The following TSPEAR variants were observed in gnomAD, a reference collection of about 807,000 sequenced individuals.
The protein encoded by TSPEAR is thrombospondin type laminin G domain and EAR repeats, also known as thrombospondin-type laminin G domain and EAR repeat-containing protein.
A neutral mutation model predicts 71.6 loss-of-function variants in TSPEAR; 69 were observed. The ratio of observed to expected loss-of-function variants is 0.96; its 90% CI spans 0.79 to 1.18. TSPEAR has a LOEUF of 1.18. TSPEAR is among the 50% of genes most tolerant of loss of function. TSPEAR has a pLI of 0.00. For synonymous variants in TSPEAR, 402 were observed against 387.2 expected, an observed-to-expected ratio of 1.04 and a Z score of -0.45; for missense variants, 971 against 894.9, an observed-to-expected ratio of 1.09 and a Z score of -1.09.
intron 1 of TSPEAR, among the ~76,000 whole-genome samples, chr21:44,569,635 T>C (rs1049119745): frequency 2.0e-5 from 3 of 152,166 alleles, no homozygotes; most frequent in Non-Finnish European, 4.4e-5. Context: ...GAGAATGTAT[T>C]ATTATTGTTA....
At chr21:44,654,469 A>G in intron 1 of TSPEAR, 1 of 1,613,926 alleles carries the variant, frequency 6.2e-7, no homozygotes, top group Non-Finnish European at 8.5e-7. Flanking sequence ...TACCCCACAC[A>G]GGGGCCGGCA....
rs142705847 is a variant in TSPEAR at position 44,647,250 on chromosome 21, G to A, written c.82+64183C>T. On this transcript the variant is annotated intron_variant, in intron 1 of 11. Transcript: ENST00000323084. ...GCTGTGCCCCCACCTCCTCCTGCCAGTCCAGCTGCTGCCGCCCGGCCTCCT... is the reference window on the plus strand; with the variant it reads ...GCTGTGCCCCCACCTCCTCCTGCCAATCCAGCTGCTGCCGCCCGGCCTCCT... The A allele has an allele frequency of 2.8e-3, 4,434 of 1,602,046 alleles. 87 individuals are homozygous for A. In the African/African-American group the frequency reaches 0.052, roughly 19 times the overall value.
rs377055136 is a variant in TSPEAR at position 44,539,474 on chromosome 21, C to T, written c.304-5551G>A. 7.4e-6 allele frequency: 12 copies of T among 1,613,638 alleles called. No individual in the cohort carries two copies. The African/African-American group carries it at 1.6e-4, about 22-fold the overall frequency. On this transcript the variant is annotated intron_variant, in intron 2 of 11. Coordinates refer to ENST00000323084, the MANE Select transcript of TSPEAR (RefSeq NM_144991.3). The stretch of plus-strand genomic sequence containing the variant: ...GAGGGACACGGAGGAGGAGGGTCTG[C>T]AGCAGGAGGTGGTGCAGCAAGCCGG...
At chr21:44,536,245 G>A (rs1010018759) in intron 2 of TSPEAR, among the ~76,000 whole-genome samples, 2 of 152,208 alleles carry the variant, frequency 1.3e-5, no homozygotes, top group Admixed American at 1.3e-4. Flanking sequence ...TCCTGCCAGT[G>A]CTCCCTCGGC....
At chr21:44,545,072 C>G (rs2053279758) in intron 2 of TSPEAR, among the ~76,000 whole-genome samples, 1 of 151,456 alleles carries the variant, frequency 6.6e-6, no homozygotes, top group African/African-American at 2.4e-5. Context: ...GTAATCCCAG[C>G]ATTTTGGGAG....
At chr21:44,690,602 G>C (rs1377397053) in intron 1 of TSPEAR, 2 of 985,284 alleles carry the variant, frequency 2.0e-6, no homozygotes, top group South Asian at 4.7e-5. Context: ...TCAAAGATGA[G>C]CATGCTGTAA....
At chr21:44,547,174 A>G (rs954049863) in intron 2 of TSPEAR, among the ~76,000 whole-genome samples, 1 of 152,108 alleles carries the variant, frequency 6.6e-6, no homozygotes, top group Non-Finnish European at 1.5e-5. Context: ...AAACCCTATC[A>G]TGAATTATTT....
Position 44,527,407 on chromosome 21 carries a change from G to C in TSPEAR, c.1034C>G (p.Ala345Gly). Residue 345 changes from alanine to glycine, a missense_variant, in exon 7 of 12, where the codon GCC becomes GGC. Ala to Gly is a moderately conservative substitution (Grantham distance 60, BLOSUM62 0). Transcript: ENST00000323084. Reference protein sequence around the residue: ...IPQVGLFVATANRKATSAVYK... With the variant: ...IPQVGLFVATGNRKATSAVYK... Reference sequence around the variant, plus strand: ...GACGGCGGATGTGGCTTTGCGATTGGCTGTGGCCACAAAGAGCCCCACCTG... The same window carrying C: ...GACGGCGGATGTGGCTTTGCGATTGCCTGTGGCCACAAAGAGCCCCACCTG... The C allele has an allele frequency of 6.2e-7, 1 of 1,614,204 alleles. No homozygotes were observed. Among genetic ancestry groups the C allele is most frequent in the South Asian group, 1.1e-5 (1 of 91,086 alleles).
At chr21:44,516,967 C>T (rs914406351) in intron 9 of TSPEAR, among the ~76,000 whole-genome samples, 1 of 152,180 alleles carries the variant, frequency 6.6e-6, no homozygotes, top group African/African-American at 2.4e-5. Context: ...CGCTCCTGCA[C>T]CCTGGGGCTT....
In TSPEAR at chr21:44,527,398, T is replaced by C. The variant is rs587773696; in HGVS notation, c.1043A>G (p.Lys348Arg). The C allele has an allele frequency of 2.5e-6, 4 of 1,614,180 alleles. No homozygotes were observed. In the South Asian group the frequency reaches 4.4e-5, roughly 18 times the overall value. Residue 348 changes from lysine to arginine, a missense_variant, in exon 7 of 12, where the codon AAA becomes AGA. Lys to Arg is a conservative substitution (Grantham distance 26). Transcript: ENST00000323084. ...CCACTTGTAGACGGCGGATGTGGCT[T>C]TGCGATTGGCTGTGGCCACAAAGAG... is the stretch of plus-strand genomic sequence containing the variant. ...VGLFVATANR[K>R]ATSAVYKWTE...
At chr21:44,510,863 C>G (rs782549204) in intron 9 of TSPEAR, 1 of 152,334 alleles carries the variant, frequency 6.6e-6, no homozygotes. Flanking sequence ...CACCTGGCGG[C>G]GCCGAACCCT....
At chr21:44,669,073 G>A (rs1985928554) in intron 1 of TSPEAR, among the ~76,000 whole-genome samples, 1 of 151,858 alleles carries the variant, frequency 6.6e-6, no homozygotes, top group South Asian at 2.1e-4. Context: ...TGAAGGAGAG[G>A]AAGAAAAAGA....
At chr21:44,550,768 C>T in intron 2 of TSPEAR, 1 of 1,614,178 alleles carries the variant, frequency 6.2e-7, no homozygotes, top group East Asian at 2.2e-5. Context: ...AGGAGGGACA[C>T]AGAGGAGGAG....
chr21:44,652,462 C>G (rs1461965481), intron 1 of TSPEAR, among the ~76,000 whole-genome samples: 2 of 152,188 alleles, frequency 1.3e-5, no homozygotes, highest in Non-Finnish European at 2.9e-5. Flanking sequence ...GTGACTCTCT[C>G]CTGAGTCTCT....
At chr21:44,641,620 A>G (rs1297667891) in intron 1 of TSPEAR, among the ~76,000 whole-genome samples, 4 of 152,362 alleles carry the variant, frequency 2.6e-5, no homozygotes, top group African/African-American at 9.6e-5. Flanking sequence ...TTTGAACTAA[A>G]GGAAGATGGG....
At position 44,525,888 on chromosome 21, in the gene TSPEAR, A is replaced by G. The variant is rs1555914899; in HGVS notation, c.1150-49T>C. 4 of 1,590,096 alleles carry G rather than the reference A, an allele frequency of 2.5e-6. No individual in the cohort carries two copies. The South Asian group carries it at 4.4e-5, about 18-fold the overall frequency. On this transcript the variant is annotated intron_variant, in intron 7 of 11. Coordinates refer to ENST00000323084, the MANE Select transcript of TSPEAR (RefSeq NM_144991.3). ...ACGTGGTTCTGCTTGGGTCGGTGCC[A>G]GCGGCCTGGTTTCTGAAGGCTTCTG...
At chr21:44,518,733 A>G (rs587760065) in intron 9 of TSPEAR, 18 of 469,332 alleles carry the variant, frequency 3.8e-5, no homozygotes, top group South Asian at 2.8e-4. Flanking sequence ...CTTTCAGGAT[A>G]AAGCCTCAAG....
chr21:44,701,257 G>C (rs368750054), intron 1 of TSPEAR, among the ~76,000 whole-genome samples: 180 of 152,220 alleles, frequency 1.2e-3, no homozygotes, highest in African/African-American at 4.1e-3. Flanking sequence ...TTCTCTCTGC[G>C]GGGAACATTC....
chr21:44,671,407 A>G (rs782430035), intron 1 of TSPEAR, among the ~76,000 whole-genome samples: 18 of 152,204 alleles, frequency 1.2e-4, no homozygotes, highest in Non-Finnish European at 4.4e-5. Context: ...CTGCCTGGAC[A>G]TGGTAACACC....
Sources: gnomAD v4.1 joint callset for allele counts (sites outside exome capture counted in the v4.1 genomes callset) on GRCh38, gnomAD v4.1.1 for gene constraint, MANE v1.5 for transcripts, NCBI Gene and HGNC (gene_info 2026-07-23, HGNC 2026-07-21) for gene names.